DNAH6: variants seen among roughly 807,000 people sequenced by gnomAD.
DNAH6 encodes dynein axonemal heavy chain 6, also known as axonemal beta dynein heavy chain 6.
Under a neutral mutation model 491.4 loss-of-function variants are expected in DNAH6, and 340 were observed. That is an observed-to-expected ratio of 0.69 (90% CI 0.63 to 0.76). The LOEUF is 0.76. Among genes scored for constraint, DNAH6 ranks in the 30% least tolerant of loss-of-function variants. DNAH6 has a pLI of 0.00. For missense variants in DNAH6, 4,443 were observed against 4,972.2 expected (o/e 0.89, Z 3.20); for synonymous variants, 1,603 against 1,686.1 (o/e 0.95, Z 1.21).
intron 14 of DNAH6, among the ~76,000 whole-genome samples, chr2:84,580,316 GCACA>G (rs36209367): frequency 0.015 from 2,225 of 149,262 alleles, 60 homozygotes; most frequent in African/African-American, 0.051. Flanking sequence ...ACATACACAC[GCACA>G]CACACACACA....
chr2:84,717,195 G>A (rs1485360946), intron 58 of DNAH6, among the ~76,000 whole-genome samples: 2 of 151,974 alleles, frequency 1.3e-5, no homozygotes, highest in African/African-American at 4.8e-5. Flanking sequence ...TCCTTGGCAG[G>A]CTCTTTTGAT....
intron 38 of DNAH6, among the ~76,000 whole-genome samples, chr2:84,669,791 G>GC (rs1238043170): frequency 4.6e-5 from 7 of 152,278 alleles, no homozygotes; most frequent in Admixed American, 1.3e-4. Flanking sequence ...TTTGGGGGCT[G>GC]CCACTGCACT....
Position 84,611,682 on chromosome 2 carries a change from G to T in DNAH6, c.3303G>T (p.Trp1101Cys). The T allele has an allele frequency of 6.5e-7, 1 of 1,550,330 alleles. No homozygotes were observed. The highest frequency in any genetic ancestry group is 1.2e-5 in the South Asian group (1 of 83,832). ...CCATATTTTTCTCCTAGGAAGAGTG[G>T]CTGACCTGCCAGAGAAACTGGCTCT... ...LALFNQTLEE[W>C]LTCQRNWLYL... The change falls in exon 22 of 77, where the codon TGG becomes TGT. Residue 1101 changes from tryptophan (W) to cysteine (C), a missense_variant. Physicochemically the swap from Trp to Cys is radical, Grantham distance 215 (BLOSUM62 -2). Coordinates refer to ENST00000389394, the MANE Select transcript of DNAH6 (RefSeq NM_001370.2).
rs1686220774 is a variant in DNAH6 at position 84,610,493 on chromosome 2, T to A, written c.3295-1181T>A. Among the ~76,000 whole-genome samples, 3 of 152,234 alleles carry A rather than the reference T, an allele frequency of 2.0e-5. 1 individual carries two copies. In the East Asian group the frequency reaches 5.8e-4, roughly 29 times the overall value. On this transcript the variant is annotated intron_variant, in intron 21 of 76. Coordinates refer to ENST00000389394, the MANE Select transcript of DNAH6 (RefSeq NM_001370.2). ...CTATATTTACTGGAAGAATGCTCAT[T>A]GTTGCTTGAAGTCTCCTTGGAATCT... is the stretch of plus-strand genomic sequence containing the variant.
intron 37 of DNAH6, among the ~76,000 whole-genome samples, chr2:84,667,632 A>G (rs998198559): frequency 6.6e-5 from 10 of 152,292 alleles, no homozygotes; most frequent in Admixed American, 5.2e-4. Context: ...ACACTTTTAC[A>G]CTGTTGGTGG....
intron 57 of DNAH6, 67 bp from the exon 58 acceptor site, chr2:84,715,493 T>C: frequency 5.5e-6 from 8 of 1,459,934 alleles, no homozygotes; most frequent in Non-Finnish European, 6.6e-6. Context: ...AGCTGTGTTC[T>C]AATAAAGAAA....
At chr2:84,553,360 TTTTCTTTTCTTTCTTTC>T (rs1453992743) in intron 10 of DNAH6, among the ~76,000 whole-genome samples, 16,549 of 112,868 alleles carry the variant, frequency 0.15, 1,935 homozygotes, top group Middle Eastern at 0.18. Context: ...TTTTCTTTTC[TTTTCTTTTCTTTCTTTC>T]TTTCTTTCTT....
intron 24 of DNAH6, among the ~76,000 whole-genome samples, chr2:84,620,863 T>G (rs1687329367): frequency 6.6e-6 from 1 of 152,112 alleles, no homozygotes; most frequent in Non-Finnish European, 1.5e-5. Flanking sequence ...ACTTTTCAGT[T>G]GGGAGGACAT....
intron 64 of DNAH6, among the ~76,000 whole-genome samples, chr2:84,775,146 C>G (rs765929437): frequency 2.0e-5 from 3 of 152,076 alleles, no homozygotes; most frequent in Admixed American, 6.6e-5. Flanking sequence ...GTGGATCTGT[C>G]ATAGGTGATT....
chr2:84,480,973 G>C, the DNAH6 span, among the ~76,000 whole-genome samples: 1 of 142,716 alleles, frequency 7.0e-6, no homozygotes, highest in Non-Finnish European at 1.5e-5. Flanking sequence ...AAAAAAAAAA[G>C]AAAAAAAAAA....
chr2:84,598,629 G>A (rs1253693738), intron 18 of DNAH6, among the ~76,000 whole-genome samples: 1 of 152,150 alleles, frequency 6.6e-6, no homozygotes, highest in Non-Finnish European at 1.5e-5. Flanking sequence ...AGCAATTTAT[G>A]AGAATTCCAG....
At chr2:84,744,860 T>C (rs1340669921) in intron 62 of DNAH6, among the ~76,000 whole-genome samples, 1 of 152,196 alleles carries the variant, frequency 6.6e-6, no homozygotes, top group Non-Finnish European at 1.5e-5. Flanking sequence ...TTTTGTTTTG[T>C]TTTTGTTTTT....
At chr2:84,704,362 C>G in intron 51 of DNAH6, 60 bp downstream of exon 51, 7 of 1,259,910 alleles carry the variant, frequency 5.6e-6, no homozygotes, top group Non-Finnish European at 7.8e-6. Context: ...TACTGTTTTC[C>G]TCCATGGTAA....
intron 4 of DNAH6, among the ~76,000 whole-genome samples, chr2:84,541,047 T>A (rs17025232): frequency 0.015 from 2,238 of 152,320 alleles, 36 homozygotes; most frequent in Middle Eastern, 0.092. Flanking sequence ...GCCTACTTTT[T>A]CTGATTATCT....
At chr2:84,785,144 A>G (rs575576545) in intron 66 of DNAH6, among the ~76,000 whole-genome samples, 139 of 152,340 alleles carry the variant, frequency 9.1e-4, no homozygotes, top group African/African-American at 3.3e-3. Context: ...AAGCCATACT[A>G]GTATGGCTGC....
chr2:84,708,472 G>T (rs892642283), intron 54 of DNAH6, among the ~76,000 whole-genome samples: 2 of 75,518 alleles, frequency 2.6e-5, no homozygotes, highest in Non-Finnish European at 5.2e-5. Flanking sequence ...GAAAAAGAGA[G>T]AAAGGGGGGG....
intron 16 of DNAH6, among the ~76,000 whole-genome samples, chr2:84,592,279 A>G (rs751421647): frequency 6.6e-6 from 1 of 152,174 alleles, no homozygotes; most frequent in Non-Finnish European, 1.5e-5. Context: ...TTTAAAATGG[A>G]CAAAGGACTT....
At chr2:84,504,375 G>T in the DNAH6 span, among the ~76,000 whole-genome samples, 2 of 152,204 alleles carry the variant, frequency 1.3e-5, no homozygotes, top group East Asian at 3.9e-4. Context: ...TGTCTGAAAG[G>T]TCACTATCTT....
rs527488138 is a variant in DNAH6 at position 84,775,405 on chromosome 2, A to G, written c.10704-6088A>G. On this transcript the variant is annotated intron_variant, in intron 64 of 76. Coordinates refer to ENST00000389394, the MANE Select transcript of DNAH6 (RefSeq NM_001370.2). ...AACTTTTTAATATGCTGCTGGATTC[A>G]CTTTCCTAGTATTTTGTTGAGAATT... Among the ~76,000 whole-genome samples the G allele has an allele frequency of 5.3e-5, 8 of 152,210 alleles. No individual in the cohort carries two copies. The South Asian group carries it at 1.7e-3, about 32-fold the overall frequency.
Sources: gnomAD v4.1 joint callset for allele counts (sites outside exome capture counted in the v4.1 genomes callset) on GRCh38, gnomAD v4.1.1 for gene constraint, MANE v1.5 for transcripts, NCBI Gene and HGNC (gene_info 2026-07-23, HGNC 2026-07-21) for gene names.